Variants in NAALADL2 observed in about 807,000 individuals in gnomAD.
NAALADL2 encodes N-acetylated alpha-linked acidic dipeptidase like 2.
NAALADL2 carries 76 observed loss-of-function variants against 87.2 expected under a neutral mutation model. That is an observed-to-expected ratio of 0.87 (90% confidence interval 0.72 to 1.05). NAALADL2 has a LOEUF of 1.05. Among genes scored for constraint, NAALADL2 ranks in the 50% least tolerant of loss-of-function variants. NAALADL2 has a pLI of 0.00. For missense variants in NAALADL2, 1,089 were observed against 945.8 expected (o/e 1.15, Z -1.99); for synonymous variants, 354 against 331.0 (o/e 1.07, Z -0.75).
At chr3:175,329,839 C>T (rs1394109510) in intron 5 of NAALADL2, among the ~76,000 whole-genome samples, 3 of 152,094 alleles carry the variant, frequency 2.0e-5, no homozygotes, top group Non-Finnish European at 4.4e-5. Flanking sequence ...TCAAACTGCT[C>T]CTTTCAAAAA....
chr3:174,942,210 T>C (rs1359511092), intron 1 of NAALADL2, among the ~76,000 whole-genome samples: 1 of 152,182 alleles, frequency 6.6e-6, no homozygotes, highest in Non-Finnish European at 1.5e-5. Flanking sequence ...TAAGGATCTT[T>C]TATAAGGCAG....
intron 1 of NAALADL2, among the ~76,000 whole-genome samples, chr3:174,441,266 C>T (rs1405106648): frequency 6.6e-6 from 1 of 152,020 alleles, no homozygotes; most frequent in Non-Finnish European, 1.5e-5. Context: ...CGCGGGGTGG[C>T]GCGCGGGGCA....
intron 9 of NAALADL2, among the ~76,000 whole-genome samples, chr3:175,574,904 C>T (rs975873693): frequency 3.4e-5 from 5 of 148,596 alleles, no homozygotes; most frequent in African/African-American, 7.9e-5. Context: ...TGTTCTTATA[C>T]TTATTGTCTC....
At chr3:175,087,327 G>A (rs910583074) in intron 1 of NAALADL2, among the ~76,000 whole-genome samples, 1 of 152,196 alleles carries the variant, frequency 6.6e-6, no homozygotes, top group Non-Finnish European at 1.5e-5. Flanking sequence ...CCGGGAAGGA[G>A]GTTGGGGGCG....
intron 1 of NAALADL2, among the ~76,000 whole-genome samples, chr3:174,920,405 C>T (rs7620662): frequency 0.38 from 58,380 of 152,050 alleles, 12,292 homozygotes; most frequent in African/African-American, 0.56. Flanking sequence ...CCCTGTACTT[C>T]TATGTTATAG....
intron 2 of NAALADL2, among the ~76,000 whole-genome samples, chr3:175,117,659 C>G (rs12634869): frequency 0.6 from 89,319 of 148,866 alleles, 27,314 homozygotes; most frequent in African/African-American, 0.73. Context: ...CACTTTTACA[C>G]TGTTGGTGGG....
intron 1 of NAALADL2, among the ~76,000 whole-genome samples, chr3:174,876,713 T>G (rs1728552504): frequency 6.6e-6 from 1 of 152,202 alleles, no homozygotes; most frequent in Non-Finnish European, 1.5e-5. Context: ...TAATGATTTA[T>G]TATCCTTGTC....
chr3:175,334,455 C>T (rs1761771551), intron 5 of NAALADL2, among the ~76,000 whole-genome samples: 2 of 152,194 alleles, frequency 1.3e-5, no homozygotes, highest in African/African-American at 2.4e-5. Flanking sequence ...TATCTTTCCC[C>T]CTCAATCGAC....
chr3:174,688,946 A>G (rs1321083506), intron 2 of NAALADL2, among the ~76,000 whole-genome samples: 1 of 152,038 alleles, frequency 6.6e-6, no homozygotes, highest in Non-Finnish European at 1.5e-5. Context: ...AATTTTGGTC[A>G]AGACAATTAA....
intron 5 of NAALADL2, among the ~76,000 whole-genome samples, chr3:175,333,898 G>T (rs1377847283): frequency 6.6e-6 from 1 of 152,064 alleles, no homozygotes; most frequent in Non-Finnish European, 1.5e-5. Flanking sequence ...ACCCTGACTG[G>T]ATCATTATAC....
chr3:175,360,714 A>G (rs1028039078), intron 5 of NAALADL2, among the ~76,000 whole-genome samples: 2 of 151,806 alleles, frequency 1.3e-5, no homozygotes, highest in Non-Finnish European at 2.9e-5. Context: ...TTTTTTCTAT[A>G]TATGACACTC....
intron 5 of NAALADL2, among the ~76,000 whole-genome samples, chr3:175,340,135 A>C (rs1486586137): frequency 6.6e-6 from 1 of 152,182 alleles, no homozygotes; most frequent in Non-Finnish European, 1.5e-5. Flanking sequence ...AATTTAGCTC[A>C]AAAATTTATA....
intron 10 of NAALADL2, among the ~76,000 whole-genome samples, chr3:175,596,793 A>G (rs1722303325): frequency 6.6e-6 from 1 of 151,952 alleles, no homozygotes; most frequent in Admixed American, 6.6e-5. Context: ...CTAGCTGTAT[A>G]TGGCTTACAG....
intron 1 of NAALADL2, among the ~76,000 whole-genome samples, chr3:174,870,048 G>C (rs1727622154): frequency 7.0e-6 from 1 of 142,098 alleles, no homozygotes; most frequent in Non-Finnish European, 1.5e-5. Context: ...TATGAAGTCA[G>C]TTTCACAGAG....
chr3:174,837,357 G>A (rs1192286298), intron 3 of NAALADL2, among the ~76,000 whole-genome samples: 1 of 152,184 alleles, frequency 6.6e-6, no homozygotes, highest in Non-Finnish European at 1.5e-5. Flanking sequence ...CAAGGCTACT[G>A]TGAACACCTT....
chr3:175,667,215 GAA>G (rs1181954127), intron 11 of NAALADL2, among the ~76,000 whole-genome samples: 2 of 122,452 alleles, frequency 1.6e-5, no homozygotes, highest in Admixed American at 7.5e-5. Flanking sequence ...AAGAAAGAAA[GAA>G]AGAAAGAAAG....
intron 2 of NAALADL2, among the ~76,000 whole-genome samples, chr3:174,601,273 T>A (rs1718435105): frequency 6.6e-6 from 1 of 152,120 alleles, no homozygotes. Context: ...GTGCGAGGGT[T>A]TCCTTTTTCT....
intron 6 of NAALADL2, among the ~76,000 whole-genome samples, chr3:175,462,895 A>C (rs1196199392): frequency 2.0e-5 from 3 of 152,200 alleles, no homozygotes; most frequent in Non-Finnish European, 4.4e-5. Flanking sequence ...AGCTTTAAGA[A>C]TATTTATCCT....
chr3:175,563,955 C>T (rs965592604), intron 9 of NAALADL2, among the ~76,000 whole-genome samples: 1 of 152,074 alleles, frequency 6.6e-6, no homozygotes, highest in Non-Finnish European at 1.5e-5. Flanking sequence ...TAGTTTGGCC[C>T]ACAGTTTTAA....
Sources: allele counts gnomAD v4.1 joint callset (sites outside exome capture counted in the v4.1 genomes callset), GRCh38; gene constraint gnomAD v4.1.1; transcripts MANE v1.5; gene names NCBI Gene and HGNC (gene_info 2026-07-23, HGNC 2026-07-21).